Variants in LRP2 observed in about 807,000 individuals in gnomAD.
LRP2 encodes the protein LDL receptor related protein 2.
A neutral mutation model predicts 531.0 loss-of-function variants in LRP2; 172 were observed. The observed-to-expected ratio is 0.32, with a 90% CI of 0.29 to 0.37. LRP2 has a LOEUF of 0.37. Among genes scored for constraint, LRP2 ranks in the 10% least tolerant of loss-of-function variants. The probability of loss-of-function intolerance (pLI) is 1.00; values close to 1 mark genes in which losing one functional copy is unlikely to be tolerated. For missense variants in LRP2, 5,167 were observed against 5,868.3 expected (o/e 0.88, Z 3.90); for synonymous variants, 1,992 against 2,027.6 (o/e 0.98, Z 0.47).
chr2:169,313,149 C>A (rs190748370), intron 3 of LRP2, among the ~76,000 whole-genome samples: 12 of 152,244 alleles, frequency 7.9e-5, no homozygotes, highest in Admixed American at 7.2e-4. Context: ...TGGGTTTGAA[C>A]ATCCCCCTTT....
At chr2:169,293,568 G>A (rs535092799) in intron 6 of LRP2, among the ~76,000 whole-genome samples, 57 of 152,230 alleles carry the variant, frequency 3.7e-4, no homozygotes, top group African/African-American at 1.1e-3. Flanking sequence ...CCAGCTATTC[G>A]GGAGGCTGAA....
Position 169,254,646 on chromosome 2 carries a change from A to T in LRP2, c.2770+1460T>A, listed in dbSNP as rs1335492944. Among the ~76,000 whole-genome samples the T allele has an allele frequency of 6.2e-4, 86 of 139,242 alleles. 20 individuals carry two copies. In the Middle Eastern group the frequency reaches 0.011, roughly 17 times the overall value. The allele number at this position is 139,242 out of a possible 152,430, so 91.3% of individuals were successfully genotyped here. A position where few individuals can be genotyped will look rare whatever the true frequency, so the allele number is the denominator to read the frequency against. On this transcript the variant is annotated intron_variant, in intron 19 of 78. Transcript: ENST00000649046. ...TACCCTAAAACTTAGAGTATAATAA[A>T]AAAAAAAAAAAACAGCAATGTTGAA...
In LRP2 at chr2:169,311,090, C is replaced by T. The variant is rs556649678; in HGVS notation, c.311-3693G>A. ...TATTGTGTCTATTTGATTCTTCTCT[C>T]TTTTTTCGTTATTAGTCTTCCTAGT... On this transcript the variant is annotated intron_variant, in intron 3 of 78. Coordinates refer to ENST00000649046, the MANE Select transcript of LRP2 (RefSeq NM_004525.3). 1.2e-4 allele frequency among the ~76,000 whole-genome samples: 19 copies of T among 152,214 alleles called. No individual in the cohort carries two copies. In the East Asian group the frequency reaches 3.3e-3, roughly 26 times the overall value.
At chr2:169,326,365 G>A (rs1234679486) in intron 1 of LRP2, among the ~76,000 whole-genome samples, 1 of 151,734 alleles carries the variant, frequency 6.6e-6, no homozygotes, top group African/African-American at 2.4e-5. Context: ...GCAGGCGCGC[G>A]CCACCACGCC....
At chr2:169,277,143 G>T (rs979990157) in intron 13 of LRP2, among the ~76,000 whole-genome samples, 3 of 145,136 alleles carry the variant, frequency 2.1e-5, no homozygotes, top group African/African-American at 5.1e-5. Context: ...GCAGTGAACC[G>T]AGATTGCATC....
At chr2:169,195,369 A>G (rs1687971922) in intron 46 of LRP2, among the ~76,000 whole-genome samples, 1 of 152,232 alleles carries the variant, frequency 6.6e-6, no homozygotes, top group Non-Finnish European at 1.5e-5. Flanking sequence ...TAAGATATAT[A>G]AAAGATAAAA....
At chr2:169,285,809 A>G (rs1171677710) in intron 9 of LRP2, among the ~76,000 whole-genome samples, 2 of 152,174 alleles carry the variant, frequency 1.3e-5, no homozygotes, top group Non-Finnish European at 2.9e-5. Context: ...ACACTACCAG[A>G]GGCAGATGAA....
At position 169,272,950 on chromosome 2, in the gene LRP2, T is replaced by C; in HGVS notation, c.2093A>G (p.Asp698Gly). The change falls in exon 15 of 79, where the codon GAT becomes GGT. Residue 698 changes from aspartate to glycine, a missense_variant. Coordinates refer to ENST00000649046, the MANE Select transcript of LRP2 (RefSeq NM_004525.3). The stretch of plus-strand genomic sequence containing the variant: ...ACCAATGCAGTGGCGCTCATCTGTA[T>C]CCAGTTGGAAGCCGAATGTGCACTT... Reference protein sequence around the residue: ...RCKCTFGFQLDTDERHCIAVQ... With the variant: ...RCKCTFGFQLGTDERHCIAVQ... 1.2e-6 allele frequency: 2 copies of C among 1,613,708 alleles called. No homozygotes were observed. Among genetic ancestry groups the C allele is most frequent in the South Asian group, 1.1e-5 (1 of 91,074 alleles).
In LRP2 at chr2:169,185,906, G is replaced by A. The variant is rs776178253; in HGVS notation, c.9442C>T (p.Arg3148Trp). ...RPGYKLMSDKRTCVDIDECTE... is the reference protein window; with the variant it reads ...RPGYKLMSDKWTCVDIDECTE... Reference sequence around the variant, plus strand: ...CATTCATCAATATCAACACAAGTCCGCTTGTCAGACATGAGCTTGTAACCA... The same window carrying A: ...CATTCATCAATATCAACACAAGTCCACTTGTCAGACATGAGCTTGTAACCA... Residue 3148 changes from arginine to tryptophan, a missense_variant, in exon 50 of 79, where the codon CGG becomes TGG. This residue lies in a region of LRP2 where 1,129 missense variants were observed against 1,362.7 expected (regional missense o/e 0.83). Coordinates refer to ENST00000649046, the MANE Select transcript of LRP2 (RefSeq NM_004525.3). The A allele has an allele frequency of 5.0e-6, 8 of 1,613,890 alleles. No individual in the cohort carries two copies. The highest frequency in any genetic ancestry group is 2.2e-5 in the East Asian group (1 of 44,854).
At position 169,191,970 on chromosome 2, in the gene LRP2, C is replaced by T; in HGVS notation, c.8894G>A (p.Cys2965Tyr). Reference sequence around the variant, plus strand: ...ATCACAGACCCAAGACTGGGGAATGCACCTCCTGTCCGGAGGTCTGTCATT... The same window carrying T: ...ATCACAGACCCAAGACTGGGGAATGTACCTCCTGTCCGGAGGTCTGTCATT... Reference protein sequence around the residue: ...CVNDRPPDRRCIPQSWVCDGD... With the variant: ...CVNDRPPDRRYIPQSWVCDGD... The change falls in exon 48 of 79, where the codon TGC becomes TAC. Residue 2965 changes from cysteine to tyrosine, a missense_variant. Cys to Tyr is a radical substitution (Grantham distance 194). This residue lies in a region of LRP2 where 1,129 missense variants were observed against 1,362.7 expected (regional missense o/e 0.83). Coordinates refer to ENST00000649046, the MANE Select transcript of LRP2 (RefSeq NM_004525.3). 6.2e-7 allele frequency: 1 copy of T among 1,614,166 alleles called. No individual in the cohort carries two copies. The highest frequency in any genetic ancestry group is 8.5e-7 in the Non-Finnish European group (1 of 1,180,006).
chr2:169,177,807 G>T lies in LRP2; in HGVS notation c.10389C>A (p.Pro3463=). 1 of 1,614,010 alleles carries T rather than the reference G, an allele frequency of 6.2e-7. No homozygotes were observed. The highest frequency in any genetic ancestry group is 1.1e-5 in the South Asian group (1 of 91,076). ...ACCCCTCAATCACCTACTCACCAAT[G>T]GGCTGCCTATATGGATGGTACACAT... ...DIHVYHPYRQ[P]IVSNPCGTNN... is the part of the protein sequence containing the mutation. The change falls in exon 53 of 79, where the codon CCC becomes CCA. Residue 3463 remains proline, a synonymous_variant. Coordinates refer to ENST00000649046, the MANE Select transcript of LRP2 (RefSeq NM_004525.3).
chr2:169,145,498 G>T (rs1685874244), intron 70 of LRP2, among the ~76,000 whole-genome samples: 1 of 152,176 alleles, frequency 6.6e-6, no homozygotes, highest in Non-Finnish European at 1.5e-5. Context: ...AAACAATGAT[G>T]AGGGCTAATA....
At chr2:169,145,651 G>C in intron 70 of LRP2, 96 bp downstream of exon 70, 1 of 1,210,420 alleles carries the variant, frequency 8.3e-7, no homozygotes, top group Non-Finnish European at 1.2e-6. Flanking sequence ...AGATTAGCTT[G>C]TTGTTATCTA....
chr2:169,229,942 T>C (rs1327070314), intron 31 of LRP2, among the ~76,000 whole-genome samples: 3 of 152,176 alleles, frequency 2.0e-5, no homozygotes, highest in Admixed American at 2.0e-4. Context: ...AAACTTCTTG[T>C]TGGGGAAAAA....
At chr2:169,172,723 G>A (rs899240292) in intron 57 of LRP2, among the ~76,000 whole-genome samples, 4 of 150,728 alleles carry the variant, frequency 2.7e-5, no homozygotes, top group Non-Finnish European at 5.9e-5. Flanking sequence ...CCTTTTTAGA[G>A]ATAGATACGA....
At chr2:169,261,424 C>A (rs1345742776) in intron 16 of LRP2, among the ~76,000 whole-genome samples, 1 of 151,418 alleles carries the variant, frequency 6.6e-6, no homozygotes, top group Non-Finnish European at 1.5e-5. Context: ...CACCTGACCT[C>A]AAGTGATCCT....
At chr2:169,296,113 T>C (rs1018046980) in intron 4 of LRP2, among the ~76,000 whole-genome samples, 4 of 152,094 alleles carry the variant, frequency 2.6e-5, no homozygotes, top group African/African-American at 9.7e-5. Context: ...TGTTAACAAC[T>C]TGCACTTTTT....
rs1435987866 is a variant in LRP2 at position 169,177,940 on chromosome 2, G to C, written c.10256C>G (p.Thr3419Ser). The part of the protein sequence containing the change: ...HPFAITIFED[T>S]IYWTDWNTRT... ...TGTATTCCAATCTGTCCAATAAATA[G>C]TGTCTTCAAAAATGGTAATAGCGAA... Residue 3419 changes from threonine (T) to serine (S), a missense_variant, in exon 53 of 79, where the codon ACT (threonine) becomes AGT (serine). This residue lies in a region of LRP2 where 1,129 missense variants were observed against 1,362.7 expected (regional missense o/e 0.83). Transcript: ENST00000649046. 6.2e-7 allele frequency: 1 copy of C among 1,614,138 alleles called. No homozygotes were observed. The highest frequency in any genetic ancestry group is 8.5e-7 in the Non-Finnish European group (1 of 1,180,016).
At chr2:169,270,791 T>A (rs116140219) in intron 16 of LRP2, 113 bp downstream of exon 16, 72 of 482,110 alleles carry the variant, frequency 1.5e-4, no homozygotes, top group Admixed American at 1.2e-3. Context: ...AATAAATAAA[T>A]AAGACTGCTT....
Sources: gnomAD v4.1 joint callset for allele counts (sites outside exome capture counted in the v4.1 genomes callset) on GRCh38, gnomAD v4.1.1 for gene constraint, gnomAD v4.1.1 regional missense constraint, MANE v1.5 for transcripts, NCBI Gene and HGNC (gene_info 2026-07-23, HGNC 2026-07-21) for gene names.